SETD6: variants seen among roughly 807,000 people sequenced by gnomAD.
SETD6 encodes N-lysine methyltransferase SETD6.
SETD6 carries 67 observed loss-of-function variants against 52.7 expected under a neutral mutation model. That is an observed-to-expected ratio of 1.27 (90% CI 1.04 to 1.56). The LOEUF (loss-of-function observed/expected upper bound fraction) is 1.56, where lower values mean the gene tolerates loss of function less well. Ranked by LOEUF, SETD6 falls within the 40% of genes most tolerant of loss-of-function variation. The pLI is 0.00. For synonymous variants in SETD6, 307 were observed against 250.2 expected, an observed-to-expected ratio of 1.23 and a Z score of -2.14; for missense variants, 712 against 607.5, an observed-to-expected ratio of 1.17 and a Z score of -1.81.
chr16:58,521,959 A>T lies in SETD6; in HGVS notation c.*2930A>T, dbSNP rs1167775395. Reference sequence around the variant, plus strand: ...GAGTGAGACCCTGTCTCAAATAAACAGATAAATTAAATAAATAAATAAGCT... The same window carrying T: ...GAGTGAGACCCTGTCTCAAATAAACTGATAAATTAAATAAATAAATAAGCT... On this transcript the variant is annotated 3_prime_UTR_variant, in exon 8 of 8. Transcript: ENST00000219315. Among the ~76,000 whole-genome samples, 1 of 152,066 alleles carries T rather than the reference A, an allele frequency of 6.6e-6. No individual in the cohort carries two copies. The highest frequency in any genetic ancestry group is 1.5e-5 in the Non-Finnish European group (1 of 68,020).
chr16:58,516,330 C>A lies in SETD6; in HGVS notation c.463C>A (p.His155Asn). Reference sequence around the variant, plus strand: ...CTGGCCCGAGCTGGGCCGCTTGGAGCACCCGATGTTCTGGTGAGAGCCTTG... The same window carrying A: ...CTGGCCCGAGCTGGGCCGCTTGGAGAACCCGATGTTCTGGTGAGAGCCTTG... The part of the protein sequence containing the change: ...ALWPELGRLE[H>N]PMFWPEEERR... Residue 155 changes from histidine (H) to asparagine (N), a missense_variant, in exon 3 of 8, where the codon CAC becomes AAC. Transcript: ENST00000219315. 6.2e-7 allele frequency: 1 copy of A among 1,608,896 alleles called. No individual in the cohort carries two copies. The highest frequency in any genetic ancestry group is 8.5e-7 in the Non-Finnish European group (1 of 1,179,912).
Position 58,516,240 on chromosome 16 carries a change from C to T in SETD6, c.373C>T (p.Leu125=), listed in dbSNP as rs777084402. The T allele has an allele frequency of 5.2e-5, 83 of 1,598,374 alleles. No homozygotes were observed. In the Middle Eastern group the frequency reaches 3.1e-3, roughly 61 times the overall value. The change falls in exon 3 of 8, where the codon CTG becomes TTG. Residue 125 remains leucine, a synonymous_variant. Transcript: ENST00000219315. ...GCAGAGCCAGTCGGGCTGGGTGCCA[C>T]TGCTGCTGGCGCTGCTCCACGAGCT... The part of the protein sequence containing the change: ...ALQSQSGWVP[L]LLALLHELQA...
chr16:58,516,975 A>G (rs1190627176), intron 5 of SETD6, 47 bp downstream of exon 5: 1 of 1,613,880 alleles, frequency 6.2e-7, no homozygotes, highest in Admixed American at 1.7e-5. Context: ...GATTCAAGCC[A>G]TTGTGTCTTA....
rs775630798 is a variant in SETD6, at chr16:58,516,170, C to T, written c.335-32C>T. On this transcript the variant is annotated intron_variant, in intron 2 of 7. Transcript: ENST00000219315. ...GGGGCGGGCCCGGCCCGCGAGGCCG[C>T]GCCGGGGCGCTCACACCTGTGTCTT... The T allele has an allele frequency of 4.7e-5, 67 of 1,424,342 alleles. No individual in the cohort carries two copies. In the East Asian group the frequency reaches 1.7e-3, roughly 36 times the overall value. The allele number at this position is 1,424,342 out of a possible 1,614,324, so 88.2% of individuals were successfully genotyped here.
Position 58,516,833 on chromosome 16 carries a change from G to C in SETD6, c.697G>C (p.Glu233Gln). The change falls in exon 5 of 8, where the codon GAG becomes CAG. Residue 233 changes from glutamate (E) to glutamine (Q), a missense_variant. Glu to Gln is a conservative substitution (Grantham distance 29, BLOSUM62 2). Coordinates refer to ENST00000219315, the MANE Select transcript of SETD6 (RefSeq NM_001160305.4). ...CTTTCAGGAACCACTGGAGGAAGAA[G>C]AGGATGAAAAGGAGCCCAACTCCCC... ...YSFQEPLEEEEDEKEPNSPVM... is the reference protein window; with the variant it reads ...YSFQEPLEEEQDEKEPNSPVM... The C allele has an allele frequency of 6.2e-7, 1 of 1,614,236 alleles. No individual in the cohort carries two copies. The highest frequency in any genetic ancestry group is 8.5e-7 in the Non-Finnish European group (1 of 1,180,044).
chr16:58,522,507 A>G lies in SETD6; in HGVS notation c.*3478A>G, dbSNP rs1432493404. On this transcript the variant is annotated 3_prime_UTR_variant, in exon 8 of 8. Transcript: ENST00000219315. Reference sequence around the variant, plus strand: ...AATACCATATTTAGCACCATAGGTGACTAATTAGGCAAATGAGCAAGTTTT... The same window carrying G: ...AATACCATATTTAGCACCATAGGTGGCTAATTAGGCAAATGAGCAAGTTTT... Among the ~76,000 whole-genome samples, 3 of 76,582 alleles carry G rather than the reference A, an allele frequency of 3.9e-5. No homozygotes were observed. Among genetic ancestry groups the G allele is most frequent in the African/African-American group, 8.0e-5 (1 of 12,430 alleles). The allele number at this position is 76,582 out of a possible 152,430, so 50.2% of individuals were successfully genotyped here. A position where few individuals can be genotyped will look rare whatever the true frequency, so the allele number is the denominator to read the frequency against.
chr16:58,518,117 C>T lies in SETD6; in HGVS notation c.859C>T (p.Gln287Ter). 6.2e-7 allele frequency: 1 copy of T among 1,614,188 alleles called. No individual in the cohort carries two copies. Among genetic ancestry groups the T allele is most frequent in the Admixed American group, 1.7e-5 (1 of 60,024 alleles). The change falls in exon 6 of 8, where the codon CAA becomes TAA. Residue 287 changes from glutamine (Q) to a stop codon, truncating the protein, a stop_gained. Coordinates refer to ENST00000219315, the MANE Select transcript of SETD6 (RefSeq NM_001160305.4). LOFTEE classifies it high-confidence loss of function. The part of the protein sequence containing the change: ...KGHEIFNTYG[Q>*]MANWQLIHMY... Reference sequence around the variant, plus strand: ...CCATGAGATTTTCAACACTTATGGGCAAATGGCTAACTGGCAACTGATTCA... The same window carrying T: ...CCATGAGATTTTCAACACTTATGGGTAAATGGCTAACTGGCAACTGATTCA...
chr16:58,519,406 A>T lies in SETD6; in HGVS notation c.*377A>T, dbSNP rs1468634648. ...AGTTTGAGGAAGTCACTTAACCTTT[A>T]TTGAAAAGACTCTGGATTTAATAAG... On this transcript the variant is annotated 3_prime_UTR_variant, in exon 8 of 8. Transcript: ENST00000219315. 1.5e-5 allele frequency: 3 copies of T among 197,190 alleles called. No homozygotes were observed. Among genetic ancestry groups the T allele is most frequent in the African/African-American group, 7.0e-5 (3 of 42,618 alleles). The allele number at this position is 197,190 out of a possible 1,614,324, so 12.2% of individuals were successfully genotyped here.
chr16:58,523,759 A>G lies in SETD6; in HGVS notation c.*4730A>G, dbSNP rs1356111044. The stretch of plus-strand genomic sequence containing the variant: ...TGTGCTAATGTAAGAAACATGAACT[A>G]TTTTCTGGTGACACTCATCACTAAG... On this transcript the variant is annotated 3_prime_UTR_variant, in exon 8 of 8. Transcript: ENST00000219315. 6.7e-6 allele frequency: 2 copies of G among 297,790 alleles called. No individual in the cohort carries two copies. Among genetic ancestry groups the G allele is most frequent in the East Asian group, 6.0e-5 (1 of 16,728 alleles). The allele number at this position is 297,790 out of a possible 1,614,324, so 18.4% of individuals were successfully genotyped here.
At position 58,515,638 on chromosome 16, in the gene SETD6, GCGCCCCCTC is replaced by G. The variant is rs562757550; in HGVS notation, c.27+78_27+86del. 147 of 1,425,868 alleles carry G rather than the reference GCGCCCCCTC, an allele frequency of 1.0e-4. No individual in the cohort carries two copies. The African/African-American group carries it at 1.9e-3, about 19-fold the overall frequency. 88.3% of individuals were successfully genotyped at this position (1,425,868 alleles called of 1,614,324 possible). A position where few individuals can be genotyped will look rare whatever the true frequency, so the allele number is the denominator to read the frequency against. ...TCTCCGTTCGCAGAACCGTCCGCCTGCGCCCCCTCCGCTCCCTCCCGCGGGTCCCGCGCC... is the reference window on the plus strand; with the variant it reads ...TCTCCGTTCGCAGAACCGTCCGCCTGCGCTCCCTCCCGCGGGTCCCGCGCC... On this transcript the variant is annotated intron_variant, in intron 1 of 7. Transcript: ENST00000219315.
Position 58,516,800 on chromosome 16 carries a change from A to C in SETD6, c.672-8A>C, listed in dbSNP as rs764312293. 1.4e-5 allele frequency: 23 copies of C among 1,614,210 alleles called. 1 individual carries two copies. In the South Asian group the frequency reaches 2.5e-4, roughly 18 times the overall value. ...GACAGGGCCTTAGCCAGGTTCTGTC[A>C]ATGGCAGCTTTCAGGAACCACTGGA... On this transcript the variant is annotated splice_polypyrimidine_tract_variant and splice_region_variant and intron_variant, in intron 4 of 7. Transcript: ENST00000219315.
Position 58,518,461 on chromosome 16 carries a change from T to C in SETD6, c.1034T>C (p.Leu345Pro), listed in dbSNP as rs899175462. Residue 345 changes from leucine to proline, a missense_variant, in exon 7 of 8, where the codon CTG becomes CCG. By Grantham distance (98) the Leu-to-Pro change is moderately conservative. Transcript: ENST00000219315. Reference sequence around the variant, plus strand: ...GAGCGCTGGGATTTCCTATGCAAACTGGAGATGGTAGGGGAAGAGGGAGCC... The same window carrying C: ...GAGCGCTGGGATTTCCTATGCAAACCGGAGATGGTAGGGGAAGAGGGAGCC... The part of the protein sequence containing the change: ...VYERWDFLCK[L>P]EMVGEEGAFV... 6.3e-7 allele frequency: 1 copy of C among 1,587,304 alleles called. No homozygotes were observed. Among genetic ancestry groups the C allele is most frequent in the Non-Finnish European group, 8.5e-7 (1 of 1,173,888 alleles).
chr16:58,523,645 G>C lies in SETD6; in HGVS notation c.*4616G>C, dbSNP rs1400011238. The C allele has an allele frequency of 1.6e-6, 1 of 615,874 alleles. No individual in the cohort carries two copies. Among genetic ancestry groups the C allele is most frequent in the African/African-American group, 1.8e-5 (1 of 54,388 alleles). 38.2% of individuals were successfully genotyped at this position (615,874 alleles called of 1,614,324 possible). A position where few individuals can be genotyped will look rare whatever the true frequency, so the allele number is the denominator to read the frequency against. On this transcript the variant is annotated 3_prime_UTR_variant, in exon 8 of 8. Coordinates refer to ENST00000219315, the MANE Select transcript of SETD6 (RefSeq NM_001160305.4). ...AAGCAGTGGTTCTTGGGACCCCAAAGAGTTCTCATTTCTGTGCGTTTTATT... is the reference window on the plus strand; with the variant it reads ...AAGCAGTGGTTCTTGGGACCCCAAACAGTTCTCATTTCTGTGCGTTTTATT...
rs1216591714 is a variant in SETD6 at position 58,516,523 on chromosome 16, T to C, written c.522T>C (p.Pro174=). The C allele has an allele frequency of 6.2e-7, 1 of 1,614,046 alleles. No individual in the cohort carries two copies. Among genetic ancestry groups the C allele is most frequent in the South Asian group, 1.1e-5 (1 of 91,082 alleles). The change falls in exon 4 of 8, where the codon CCT becomes CCC. Residue 174 remains proline (P), a synonymous_variant. Coordinates refer to ENST00000219315, the MANE Select transcript of SETD6 (RefSeq NM_001160305.4). ...GCCTGCTCCAGGGCACAGGCGTACC[T>C]GAGGCCGTGGAGAAGGATTTGGCCA... ...RRCLLQGTGV[P]EAVEKDLANI...
rs1373356328 is a variant in SETD6, at chr16:58,522,067, C to G, written c.*3038C>G. Among the ~76,000 whole-genome samples, 2 of 151,792 alleles carry G rather than the reference C, an allele frequency of 1.3e-5. No individual in the cohort carries two copies. The highest frequency in any genetic ancestry group is 2.4e-5 in the African/African-American group (1 of 41,324). ...GGGCACAGTGACTCACGCCTGTAAT[C>G]CCAGCACTCTGGGAGGCCAAGACGG... On this transcript the variant is annotated 3_prime_UTR_variant, in exon 8 of 8. Transcript: ENST00000219315.
rs745658360 is a variant in SETD6, at chr16:58,516,195, T to C, written c.335-7T>C. On this transcript the variant is annotated splice_polypyrimidine_tract_variant and splice_region_variant and intron_variant, in intron 2 of 7. Coordinates refer to ENST00000219315, the MANE Select transcript of SETD6 (RefSeq NM_001160305.4). ...CGCCGGGGCGCTCACACCTGTGTCT[T>C]CCTCAGAGCGAGTTGCGCTGCAGAG... 7 of 1,576,886 alleles carry C rather than the reference T, an allele frequency of 4.4e-6. No individual in the cohort carries two copies. Among genetic ancestry groups the C allele is most frequent in the Non-Finnish European group, 6.0e-6 (7 of 1,171,562 alleles).
rs1290929637 is a variant in SETD6, at chr16:58,519,930, G to A, written c.*901G>A. The A allele has an allele frequency of 2.0e-5, 3 of 152,200 alleles. No individual in the cohort carries two copies. The highest frequency in any genetic ancestry group is 4.4e-5 in the Non-Finnish European group (3 of 68,048). The allele number at this position is 152,200 out of a possible 1,614,324, so 9.4% of individuals were successfully genotyped here. On this transcript the variant is annotated 3_prime_UTR_variant, in exon 8 of 8. Coordinates refer to ENST00000219315, the MANE Select transcript of SETD6 (RefSeq NM_001160305.4). ...CACCAGCACTGGCTGCTGCTACTGA[G>A]AAAGGCACAGTGGACTCATGTGTGT...
rs1444604384 is a variant in SETD6, at chr16:58,523,732, T to C, written c.*4703T>C. On this transcript the variant is annotated 3_prime_UTR_variant, in exon 8 of 8. Transcript: ENST00000219315. ...TATTCATTTTTAAAAACAGACCCAC[T>C]ATGTGCTAATGTAAGAAACATGAAC... 1 of 391,408 alleles carries C rather than the reference T, an allele frequency of 2.6e-6. No homozygotes were observed. The highest frequency in any genetic ancestry group is 4.6e-6 in the Non-Finnish European group (1 of 215,608). 24.2% of individuals were successfully genotyped at this position (391,408 alleles called of 1,614,324 possible). A position where few individuals can be genotyped will look rare whatever the true frequency, so the allele number is the denominator to read the frequency against.
Position 58,521,107 on chromosome 16 carries a change from C to A in SETD6, c.*2078C>A. 5 of 1,613,238 alleles carry A rather than the reference C, an allele frequency of 3.1e-6. No homozygotes were observed. Among genetic ancestry groups the A allele is most frequent in the Non-Finnish European group, 4.2e-6 (5 of 1,179,338 alleles). On this transcript the variant is annotated 3_prime_UTR_variant, in exon 8 of 8. Transcript: ENST00000219315. ...TAACAATACCTTGCATCTCATTCAG[C>A]TGACCCAACCTAGAGACAGATGGTT...
Sources: allele counts gnomAD v4.1 joint callset (sites outside exome capture counted in the v4.1 genomes callset), GRCh38; gene constraint gnomAD v4.1.1; transcripts MANE v1.5; gene names NCBI Gene and HGNC (gene_info 2026-07-23, HGNC 2026-07-21).